GNA14: variants seen among roughly 807,000 people sequenced by gnomAD.
GNA14 encodes the protein guanine nucleotide-binding protein subunit alpha-14.
GNA14 carries 50 observed loss-of-function variants against 42.0 expected under a neutral mutation model. That is an observed-to-expected ratio of 1.19 (90% CI 0.95 to 1.51). The LOEUF (loss-of-function observed/expected upper bound fraction) is 1.51. Among genes scored for constraint, GNA14 ranks in the 40% most tolerant of loss-of-function variants. The pLI, the probability that GNA14 is intolerant of heterozygous loss-of-function variation, is 0.00. For synonymous variants in GNA14, 173 were observed against 163.1 expected (o/e 1.06, Z -0.46); for missense variants, 473 against 446.2 (o/e 1.06, Z -0.54).
At chr9:77,474,545 G>C (rs1294196080) in intron 2 of GNA14, among the ~76,000 whole-genome samples, 2 of 152,150 alleles carry the variant, frequency 1.3e-5, no homozygotes, top group African/African-American at 4.8e-5. Flanking sequence ...CTCATACATG[G>C]GTGAGACTAT....
chr9:77,429,010 G>A lies in GNA14; in HGVS notation c.620C>T (p.Ser207Leu), dbSNP rs759052725. ...GCAGTGAATCCACTTCCGTCTTTCC[G>A]ATCGTTGGCCACCAACATCCACCAT... The part of the protein sequence containing the change: ...FRMVDVGGQR[S>L]ERRKWIHCFE... The change falls in exon 5 of 7, where the codon TCG becomes TTG. Residue 207 changes from serine to leucine, a missense_variant. Transcript: ENST00000341700. 12 of 1,613,838 alleles carry A rather than the reference G, an allele frequency of 7.4e-6. No individual in the cohort carries two copies. The highest frequency in any genetic ancestry group is 5.0e-5 in the Admixed American group (3 of 59,984).
intron 1 of GNA14, among the ~76,000 whole-genome samples, chr9:77,544,142 TAAAG>T (rs1837692535): frequency 6.6e-6 from 1 of 152,186 alleles, no homozygotes; most frequent in Non-Finnish European, 1.5e-5. Flanking sequence ...GTTGCTCCCA[TAAAG>T]AGTTACACAA....
intron 1 of GNA14, among the ~76,000 whole-genome samples, chr9:77,550,097 G>C (rs1193904994): frequency 6.6e-6 from 1 of 152,094 alleles, no homozygotes; most frequent in South Asian, 2.1e-4. Flanking sequence ...TGGGTGGGAG[G>C]GGGTAGAGAG....
At chr9:77,526,603 T>C (rs990759060) in intron 2 of GNA14, 1 of 152,280 alleles carries the variant, frequency 6.6e-6, no homozygotes, top group Non-Finnish European at 1.5e-5. Context: ...GAGGCAAGCA[T>C]CTACAAGCCA....
chr9:77,506,101 CAA>C (rs200965790), intron 2 of GNA14, among the ~76,000 whole-genome samples: 1 of 143,944 alleles, frequency 6.9e-6, no homozygotes. Flanking sequence ...CCATCCTCTA[CAA>C]AAAAAAAATA....
intron 1 of GNA14, among the ~76,000 whole-genome samples, chr9:77,547,518 T>C (rs1397950489): frequency 6.6e-6 from 1 of 152,244 alleles, no homozygotes; most frequent in Non-Finnish European, 1.5e-5. Context: ...AAGAGAACAA[T>C]CTGCAGCTTC....
At chr9:77,612,774 A>C (rs1823754477) in intron 1 of GNA14, among the ~76,000 whole-genome samples, 1 of 152,142 alleles carries the variant, frequency 6.6e-6, no homozygotes, top group Non-Finnish European at 1.5e-5. Context: ...AACAGTATGG[A>C]GGTTTCTCAA....
In GNA14 at chr9:77,516,005, C is replaced by G. The variant is rs561095225; in HGVS notation, c.309+13064G>C. On this transcript the variant is annotated intron_variant, in intron 2 of 6. Transcript: ENST00000341700. ...AAAACCCAGAGCAGGAAGAGACAGCCATGTAACAGAGTTTCACACTATGGG... is the reference window on the plus strand; with the variant it reads ...AAAACCCAGAGCAGGAAGAGACAGCGATGTAACAGAGTTTCACACTATGGG... Among the ~76,000 whole-genome samples, 24 of 139,670 alleles carry G rather than the reference C, an allele frequency of 1.7e-4. 1 individual carries two copies. The South Asian group carries it at 5.4e-3, about 32-fold the overall frequency. The allele number at this position is 139,670 out of a possible 152,430, so 91.6% of individuals were successfully genotyped here.
At chr9:77,610,085 TG>T (rs1554703194) in intron 1 of GNA14, among the ~76,000 whole-genome samples, 1 of 152,230 alleles carries the variant, frequency 6.6e-6, no homozygotes, top group Non-Finnish European at 1.5e-5. Flanking sequence ...AGGCTTTATC[TG>T]AATAATAACA....
intron 2 of GNA14, among the ~76,000 whole-genome samples, chr9:77,448,483 C>G (rs1337881634): frequency 6.6e-6 from 1 of 152,200 alleles, no homozygotes; most frequent in Non-Finnish European, 1.5e-5. Flanking sequence ...GCGCATTTAG[C>G]AGGCCAGGCT....
intron 2 of GNA14, among the ~76,000 whole-genome samples, chr9:77,479,661 A>T (rs1446016124): frequency 6.6e-6 from 1 of 152,180 alleles, no homozygotes; most frequent in Non-Finnish European, 1.5e-5. Context: ...TTTTCACGAC[A>T]CTGATTCTTC....
chr9:77,600,201 T>G (rs1019988084), intron 1 of GNA14, among the ~76,000 whole-genome samples: 9 of 152,244 alleles, frequency 5.9e-5, no homozygotes, highest in African/African-American at 2.2e-4. Context: ...TTGATTCTGA[T>G]AGTGCAGTTA....
At chr9:77,594,715 C>T (rs1486820125) in intron 1 of GNA14, among the ~76,000 whole-genome samples, 1 of 152,186 alleles carries the variant, frequency 6.6e-6, no homozygotes, top group Admixed American at 6.5e-5. Flanking sequence ...GAAGCCCTCT[C>T]CTGAGTTTAT....
intron 2 of GNA14, among the ~76,000 whole-genome samples, chr9:77,462,363 G>C (rs1056064931): frequency 6.6e-6 from 1 of 152,142 alleles, no homozygotes; most frequent in Admixed American, 6.5e-5. Flanking sequence ...CTCTTGCCTG[G>C]GAGGCTGACG....
intron 2 of GNA14, among the ~76,000 whole-genome samples, chr9:77,494,608 AACAT>A (rs1007661219): frequency 1.1e-4 from 16 of 152,312 alleles, no homozygotes; most frequent in Admixed American, 7.8e-4. Context: ...TTTTATATTT[AACAT>A]TTAGTTAAAT....
At chr9:77,555,977 GCTCATGCCTGTAAT>G (rs1215450941) in intron 1 of GNA14, among the ~76,000 whole-genome samples, 1 of 152,182 alleles carries the variant, frequency 6.6e-6, no homozygotes, top group African/African-American at 2.4e-5. Context: ...GGGCACAGTG[GCTCATGCCTGTAAT>G]CTCAACAGTT....
chr9:77,590,626 G>A (rs1267478278), intron 1 of GNA14, among the ~76,000 whole-genome samples: 1 of 151,962 alleles, frequency 6.6e-6, no homozygotes, highest in African/African-American at 2.4e-5. Context: ...GGCAGATGTA[G>A]TGTAGCACAG....
At chr9:77,552,126 CAAAAA>C (rs34493872) in intron 1 of GNA14, among the ~76,000 whole-genome samples, 5,682 of 85,184 alleles carry the variant, frequency 0.067, 129 homozygotes, top group South Asian at 0.084. Context: ...AACTCCATCT[CAAAAA>C]AAAAAAAAAA....
intron 1 of GNA14, among the ~76,000 whole-genome samples, chr9:77,593,852 T>C (rs1292744036): frequency 6.6e-6 from 1 of 152,242 alleles, no homozygotes; most frequent in East Asian, 1.9e-4. Context: ...AAGTCAAATG[T>C]GCATGTAGTT....
Sources: gnomAD v4.1 joint callset for allele counts (sites outside exome capture counted in the v4.1 genomes callset) on GRCh38, gnomAD v4.1.1 for gene constraint, MANE v1.5 for transcripts, NCBI Gene and HGNC (gene_info 2026-07-23, HGNC 2026-07-21) for gene names.